PCDHAC1: variants seen among roughly 807,000 people sequenced by gnomAD.
PCDHAC1 encodes the protein protocadherin alpha subfamily C, 1.
PCDHAC1 carries 42 observed loss-of-function variants against 60.0 expected under a neutral mutation model. The ratio of observed to expected loss-of-function variants is 0.70; its 90% CI spans 0.55 to 0.90. The LOEUF (loss-of-function observed/expected upper bound fraction) is 0.90, where lower values mean the gene tolerates loss of function less well. Among genes scored for constraint, PCDHAC1 ranks in the 40% least tolerant of loss-of-function variants. The probability of loss-of-function intolerance (pLI) is 0.00; values close to 1 mark genes in which losing one functional copy is unlikely to be tolerated. For synonymous variants in PCDHAC1, 468 were observed against 499.3 expected (o/e 0.94, Z 0.84); for missense variants, 1,160 against 1,222.3 (o/e 0.95, Z 0.76).
At chr5:140,968,324 T>C (rs781875050) in intron 1 of PCDHAC1, 15 of 1,613,972 alleles carry the variant, frequency 9.3e-6, no homozygotes. Context: ...GCCAGTCACC[T>C]CCTATGTCTC....
At chr5:140,997,670 G>A (rs1587757819) in intron 3 of PCDHAC1, among the ~76,000 whole-genome samples, 1 of 79,680 alleles carries the variant, frequency 1.3e-5, no homozygotes, top group Non-Finnish European at 2.9e-5. Flanking sequence ...TATACAGCTT[G>A]TGTGTGTGTG....
chr5:140,986,566 TTA>T (rs782155316), intron 3 of PCDHAC1, among the ~76,000 whole-genome samples: 3 of 152,114 alleles, frequency 2.0e-5, no homozygotes, highest in Non-Finnish European at 4.4e-5. Context: ...TTGTTATCTG[TTA>T]TTGGTTTTTC....
intron 3 of PCDHAC1, among the ~76,000 whole-genome samples, chr5:140,983,623 GA>G (rs1554245569): frequency 6.6e-6 from 1 of 152,202 alleles, no homozygotes; most frequent in African/African-American, 2.4e-5. Flanking sequence ...GAGAGATTAA[GA>G]AATGTACCCA....
rs1279359347 is a variant in PCDHAC1 at position 141,012,130 on chromosome 5, C to T, written c.*2193C>T. ...ACTGAAGCCCATGTATCTGACCTTA[C>T]GTGCCTTTTGAACTAGGAGAATCGG... On this transcript the variant is annotated 3_prime_UTR_variant, in exon 4 of 4. Coordinates refer to ENST00000253807, the MANE Select transcript of PCDHAC1 (RefSeq NM_018898.5). The T allele has an allele frequency of 2.0e-5, 3 of 153,796 alleles. No individual in the cohort carries two copies. The highest frequency in any genetic ancestry group is 1.9e-4 in the East Asian group (1 of 5,172). 9.5% of individuals were successfully genotyped at this position (153,796 alleles called of 1,614,324 possible). A position where few individuals can be genotyped will look rare whatever the true frequency, so the allele number is the denominator to read the frequency against.
intron 1 of PCDHAC1, among the ~76,000 whole-genome samples, chr5:140,973,587 C>T (rs2096594455): frequency 6.6e-6 from 1 of 152,194 alleles, no homozygotes; most frequent in African/African-American, 2.4e-5. Flanking sequence ...ACTGCTGAGC[C>T]AGATGGAATT....
chr5:140,997,375 G>A (rs983164883), intron 3 of PCDHAC1, among the ~76,000 whole-genome samples: 1 of 152,066 alleles, frequency 6.6e-6, no homozygotes, highest in Non-Finnish European at 1.5e-5. Flanking sequence ...AGATGATATA[G>A]CATACTACAC....
chr5:140,938,560 C>T (rs2092118397), intron 1 of PCDHAC1, among the ~76,000 whole-genome samples: 1 of 143,272 alleles, frequency 7.0e-6, no homozygotes, highest in Non-Finnish European at 1.5e-5. Flanking sequence ...TTATTAATAG[C>T]ATGCATTATA....
rs141480000 is a variant in PCDHAC1 at position 140,927,082 on chromosome 5, C to G, written c.190C>G (p.Leu64Val). 6.2e-7 allele frequency: 1 copy of G among 1,611,100 alleles called. No homozygotes were observed. The highest frequency in any genetic ancestry group is 8.5e-7 in the Non-Finnish European group (1 of 1,177,708). ...NFRFLSSHRE[L>V]YFGVDLPSGN... is the part of the protein sequence containing the mutation. The stretch of plus-strand genomic sequence containing the variant: ...TCGCTTCCTTTCCAGCCACCGCGAG[C>G]TCTACTTCGGGGTGGATCTACCCAG... Residue 64 changes from leucine to valine, a missense_variant, in exon 1 of 4, where the codon CTC becomes GTC. This residue lies in a region of PCDHAC1 where 1,113 missense variants were observed against 1,163.7 expected (regional missense o/e 0.96). Transcript: ENST00000253807.
chr5:140,938,148 A>G (rs563866654), intron 1 of PCDHAC1, among the ~76,000 whole-genome samples: 1 of 152,284 alleles, frequency 6.6e-6, no homozygotes, highest in African/African-American at 2.4e-5. Context: ...GTCTCACTAC[A>G]TTGCCCAGGC....
intron 1 of PCDHAC1, among the ~76,000 whole-genome samples, chr5:140,937,848 C>G (rs939450579): frequency 1.4e-5 from 2 of 145,938 alleles, no homozygotes; most frequent in African/African-American, 2.5e-5. Flanking sequence ...GAAGGCGGAA[C>G]TTGGAGTGAG....
intron 1 of PCDHAC1, among the ~76,000 whole-genome samples, chr5:140,974,875 A>G (rs934874769): frequency 1.6e-4 from 24 of 152,174 alleles, no homozygotes; most frequent in Non-Finnish European, 1.9e-4. Context: ...GGAACAGTCT[A>G]TGTATCCCTT....
At position 141,011,260 on chromosome 5, in the gene PCDHAC1, C is replaced by T. The variant is rs2098420018; in HGVS notation, c.*1323C>T. On this transcript the variant is annotated 3_prime_UTR_variant, in exon 4 of 4. Coordinates refer to ENST00000253807, the MANE Select transcript of PCDHAC1 (RefSeq NM_018898.5). ...TGACTTGTCTTGGTGTGCTAGCCTA[C>T]ACCTTCTCTTTGGTTTAGTTTTCCT... The T allele has an allele frequency of 6.5e-6, 1 of 153,766 alleles. No individual in the cohort carries two copies. The highest frequency in any genetic ancestry group is 6.5e-5 in the Admixed American group (1 of 15,278). 9.5% of individuals were successfully genotyped at this position (153,766 alleles called of 1,614,324 possible).
intron 1 of PCDHAC1, among the ~76,000 whole-genome samples, chr5:140,973,810 T>C (rs1179978402): frequency 6.6e-6 from 1 of 152,230 alleles, no homozygotes; most frequent in Non-Finnish European, 1.5e-5. Context: ...CTTGACAGAA[T>C]AGCAAAGTCA....
At chr5:140,945,147 T>C (rs1554216774) in intron 1 of PCDHAC1, among the ~76,000 whole-genome samples, 1 of 152,154 alleles carries the variant, frequency 6.6e-6, no homozygotes, top group Non-Finnish European at 1.5e-5. Flanking sequence ...ATAGCATTTC[T>C]ATACACTATT....
intron 1 of PCDHAC1, among the ~76,000 whole-genome samples, chr5:140,930,792 A>G (rs782797665): frequency 4.9e-4 from 74 of 152,228 alleles, no homozygotes; most frequent in Admixed American, 1.4e-3. Flanking sequence ...AATATAATAG[A>G]ATCCAGCATA....
chr5:140,967,794 T>G, intron 1 of PCDHAC1: 1 of 1,614,178 alleles, frequency 6.2e-7, no homozygotes. Flanking sequence ...CGGGGTCCAG[T>G]GCCCATGGCA....
rs546789240 is a variant in PCDHAC1 at position 140,938,168 on chromosome 5, G to A, written c.2433+8843G>A. Among the ~76,000 whole-genome samples, 6 of 152,184 alleles carry A rather than the reference G, an allele frequency of 3.9e-5. No homozygotes were observed. The South Asian group carries it at 1.2e-3, about 32-fold the overall frequency. Reference sequence around the variant, plus strand: ...ACTACATTGCCCAGGCTAGTCTGGAGCTCCTGGGCTCAAGCAATCCTCCCA... The same window carrying A: ...ACTACATTGCCCAGGCTAGTCTGGAACTCCTGGGCTCAAGCAATCCTCCCA... On this transcript the variant is annotated intron_variant, in intron 1 of 3. Coordinates refer to ENST00000253807, the MANE Select transcript of PCDHAC1 (RefSeq NM_018898.5).
intron 1 of PCDHAC1, among the ~76,000 whole-genome samples, chr5:140,959,030 G>A (rs1303090530): frequency 6.6e-6 from 1 of 151,776 alleles, no homozygotes; most frequent in African/African-American, 2.4e-5. Flanking sequence ...GCTTTATCAT[G>A]GGTATGTATG....
At chr5:140,992,318 C>G (rs2097504992) in intron 3 of PCDHAC1, among the ~76,000 whole-genome samples, 1 of 152,128 alleles carries the variant, frequency 6.6e-6, no homozygotes, top group African/African-American at 2.4e-5. Flanking sequence ...TGGGCATTCC[C>G]TTTTCTAAGA....
Sources: gnomAD v4.1 joint callset for allele counts (sites outside exome capture counted in the v4.1 genomes callset) on GRCh38, gnomAD v4.1.1 for gene constraint, gnomAD v4.1.1 regional missense constraint, MANE v1.5 for transcripts, NCBI Gene and HGNC (gene_info 2026-07-23, HGNC 2026-07-21) for gene names.